The following STPG2 variants were observed in gnomAD, a reference collection of about 807,000 sequenced individuals.
STPG2 encodes the protein sperm-tail PG-rich repeat-containing protein 2.
A neutral mutation model predicts 54.2 loss-of-function variants in STPG2; 56 were observed. The observed-to-expected ratio is 1.03, with a 90% CI of 0.83 to 1.29. The LOEUF (loss-of-function observed/expected upper bound fraction) is 1.29, where lower values mean the gene tolerates loss of function less well. STPG2 is among the 50% of genes most tolerant of loss of function. The pLI is 0.00. For missense variants in STPG2, 596 were observed against 544.9 expected (o/e 1.09, Z -0.93); for synonymous variants, 200 against 181.8 (o/e 1.10, Z -0.81).
chr4:97,873,940 T>C (rs994292677), intron 8 of STPG2, among the ~76,000 whole-genome samples: 11 of 151,490 alleles, frequency 7.3e-5, no homozygotes, highest in Non-Finnish European at 1.5e-4. Flanking sequence ...GCCAAGAAAA[T>C]TGTATTTTTG....
intron 9 of STPG2, among the ~76,000 whole-genome samples, chr4:97,798,283 A>C (rs2934749): frequency 1.3e-5 from 2 of 151,950 alleles, no homozygotes; most frequent in South Asian, 2.1e-4. Context: ...TTAGGGTGTC[A>C]ATTTTAGATC....
intron 9 of STPG2, among the ~76,000 whole-genome samples, chr4:97,752,604 C>G (rs1319761529): frequency 6.6e-6 from 1 of 151,826 alleles, no homozygotes; most frequent in Non-Finnish European, 1.5e-5. Context: ...TATTCAAGGT[C>G]TTTTTACAAA....
chr4:97,504,595 TA>T (rs1202011679), intron 4 of STPG2, among the ~76,000 whole-genome samples: 1 of 151,986 alleles, frequency 6.6e-6, no homozygotes, highest in African/African-American at 2.4e-5. Context: ...TATTTTCTTG[TA>T]AAACTTTCCA....
chr4:97,698,829 TG>T (rs1301695960), intron 10 of STPG2, among the ~76,000 whole-genome samples: 1 of 152,170 alleles, frequency 6.6e-6, no homozygotes, highest in Non-Finnish European at 1.5e-5. Context: ...TTCAGGATGA[TG>T]GGGAACATGG....
chr4:97,883,219 A>G (rs1730444899), intron 8 of STPG2, among the ~76,000 whole-genome samples: 2 of 151,438 alleles, frequency 1.3e-5, no homozygotes, highest in Admixed American at 1.3e-4. Context: ...ACACATACAT[A>G]TATGTATATA....
chr4:97,621,679 A>C (rs150295349), intron 10 of STPG2, among the ~76,000 whole-genome samples: 1 of 152,168 alleles, frequency 6.6e-6, no homozygotes, highest in Non-Finnish European at 1.5e-5. Context: ...ACAGATTCAC[A>C]GCCAAATTCT....
At chr4:97,667,645 T>G (rs552710951) in intron 10 of STPG2, among the ~76,000 whole-genome samples, 1 of 152,292 alleles carries the variant, frequency 6.6e-6, no homozygotes, top group East Asian at 1.9e-4. Flanking sequence ...TTTCAAACTC[T>G]TCCTTCCTTA....
chr4:97,984,723 C>G (rs1734778208), intron 5 of STPG2, among the ~76,000 whole-genome samples: 1 of 152,078 alleles, frequency 6.6e-6, no homozygotes, highest in Non-Finnish European at 1.5e-5. Flanking sequence ...GAAGTGTAGT[C>G]AAAGAAGTGT....
At chr4:97,934,680 G>A (rs944978886) in intron 8 of STPG2, among the ~76,000 whole-genome samples, 4 of 152,180 alleles carry the variant, frequency 2.6e-5, no homozygotes, top group African/African-American at 9.7e-5. Flanking sequence ...TGCGTATGTT[G>A]AACCAGCCCT....
At chr4:97,927,398 A>T (rs1444746476) in intron 8 of STPG2, among the ~76,000 whole-genome samples, 1 of 152,124 alleles carries the variant, frequency 6.6e-6, no homozygotes, top group African/African-American at 2.4e-5. Context: ...CTAAGAAAGT[A>T]TATCAAACTC....
intron 10 of STPG2, among the ~76,000 whole-genome samples, chr4:97,615,828 G>T (rs1259369714): frequency 1.3e-5 from 2 of 150,934 alleles, no homozygotes; most frequent in East Asian, 3.9e-4. Context: ...TTAAGGTCAG[G>T]AGTTCAAGAC....
At chr4:97,530,054 C>T (rs1049144022) in intron 4 of STPG2, among the ~76,000 whole-genome samples, 31 of 152,100 alleles carry the variant, frequency 2.0e-4, no homozygotes, top group African/African-American at 7.5e-4. Flanking sequence ...AATAAATCTC[C>T]AAATTAAACA....
At chr4:97,800,133 T>TC (rs1271598030) in intron 9 of STPG2, among the ~76,000 whole-genome samples, 1 of 152,246 alleles carries the variant, frequency 6.6e-6, no homozygotes, top group Non-Finnish European at 1.5e-5. Context: ...TTGAACTTCC[T>TC]CCTTTAGCTC....
At chr4:97,957,224 T>C (rs940658692) in intron 7 of STPG2, among the ~76,000 whole-genome samples, 1 of 133,456 alleles carries the variant, frequency 7.5e-6, no homozygotes, top group East Asian at 2.2e-4. Flanking sequence ...ATAAACAGTA[T>C]AAATAAAAAA....
chr4:97,442,613 CAG>C (rs970655556), intron 4 of STPG2, among the ~76,000 whole-genome samples: 4 of 151,968 alleles, frequency 2.6e-5, no homozygotes, highest in Non-Finnish European at 5.9e-5. Context: ...TAAAGTTAGA[CAG>C]GGGGCTAGTC....
At chr4:97,724,793 G>T (rs1044230616) in intron 9 of STPG2, among the ~76,000 whole-genome samples, 2 of 152,066 alleles carry the variant, frequency 1.3e-5, no homozygotes, top group Non-Finnish European at 2.9e-5. Context: ...CTTTCTTTAA[G>T]AATAATATCT....
chr4:97,684,534 A>G (rs1043745307), intron 10 of STPG2, among the ~76,000 whole-genome samples: 4 of 151,926 alleles, frequency 2.6e-5, no homozygotes, highest in African/African-American at 9.7e-5. Flanking sequence ...GGACATTCAC[A>G]CGCAAAAAAT....
At chr4:97,718,406 A>C (rs1164064369) in intron 9 of STPG2, among the ~76,000 whole-genome samples, 1 of 152,020 alleles carries the variant, frequency 6.6e-6, no homozygotes, top group Non-Finnish European at 1.5e-5. Context: ...TAACATCTTT[A>C]CCTGTATAGG....
At chr4:97,889,598 G>A (rs1002993020) in intron 8 of STPG2, among the ~76,000 whole-genome samples, 1 of 152,102 alleles carries the variant, frequency 6.6e-6, no homozygotes, top group African/African-American at 2.4e-5. Flanking sequence ...TCACTAATAT[G>A]TGGAATTGAA....
Sources: allele counts gnomAD v4.1 joint callset (sites outside exome capture counted in the v4.1 genomes callset), GRCh38; gene constraint gnomAD v4.1.1; transcripts MANE v1.5; gene names NCBI Gene and HGNC (gene_info 2026-07-23, HGNC 2026-07-21).